The following GPR107 variants were observed in gnomAD, a reference collection of about 807,000 sequenced individuals.
The protein encoded by GPR107 is protein GPR107.
A neutral mutation model predicts 75.5 loss-of-function variants in GPR107; 31 were observed. The ratio of observed to expected loss-of-function variants is 0.41; its 90% CI spans 0.31 to 0.55. The LOEUF is 0.55. GPR107 is among the 20% of genes least tolerant of loss of function. The pLI is 0.26. For synonymous variants in GPR107, 267 were observed against 251.3 expected (o/e 1.06, Z -0.59); for missense variants, 572 against 665.7 (o/e 0.86, Z 1.55).
chr9:130,086,958 G>A (rs1830627911), intron 7 of GPR107, among the ~76,000 whole-genome samples: 1 of 152,150 alleles, frequency 6.6e-6, no homozygotes, highest in African/African-American at 2.4e-5. Context: ...CAGCATAATA[G>A]CATACGTATG....
intron 1 of GPR107, among the ~76,000 whole-genome samples, chr9:130,070,873 C>T (rs1376783453): frequency 6.6e-6 from 1 of 151,668 alleles, no homozygotes; most frequent in African/African-American, 2.4e-5. Flanking sequence ...CATGCCACCA[C>T]GCCTGGCCAA....
intron 1 of GPR107, among the ~76,000 whole-genome samples, chr9:130,073,235 G>A (rs1830253940): frequency 6.6e-6 from 1 of 152,202 alleles, no homozygotes; most frequent in African/African-American, 2.4e-5. Flanking sequence ...CTGCAGTCCT[G>A]CTCCACTGAG....
intron 6 of GPR107, among the ~76,000 whole-genome samples, chr9:130,085,681 G>GAGTTC (rs922038407): frequency 1.3e-5 from 2 of 148,736 alleles, no homozygotes; most frequent in Admixed American, 6.8e-5. Context: ...TAATTACTTT[G>GAGTTC]AGTTCATCCA....
intron 13 of GPR107, among the ~76,000 whole-genome samples, chr9:130,105,761 G>A (rs964095660): frequency 2.0e-5 from 3 of 151,884 alleles, no homozygotes; most frequent in Non-Finnish European, 4.4e-5. Context: ...CAGCATAGAA[G>A]AGAGTATGAA....
In GPR107 at chr9:130,113,104, G is replaced by A. The variant is rs573791093; in HGVS notation, c.1306+5565G>A. 1.3e-3 allele frequency among the ~76,000 whole-genome samples: 192 copies of A among 152,166 alleles called. 1 individual carries two copies. Among genetic ancestry groups the A allele is most frequent in the African/African-American group, 4.3e-3 (178 of 41,524 alleles). Reference sequence around the variant, plus strand: ...TATGGTGACACAGACATGGGTTTGTGGTGGACATTTTCTTGAAAATGAACA... The same window carrying A: ...TATGGTGACACAGACATGGGTTTGTAGTGGACATTTTCTTGAAAATGAACA... On this transcript the variant is annotated intron_variant, in intron 14 of 17. Transcript: ENST00000347136.
intron 1 of GPR107, among the ~76,000 whole-genome samples, chr9:130,074,912 T>C (rs1041694912): frequency 1.3e-5 from 2 of 151,092 alleles, no homozygotes; most frequent in African/African-American, 4.9e-5. Context: ...CCCCCCAGCA[T>C]GTTTTGAGTG....
Position 130,104,564 on chromosome 9 carries a change from A to G in GPR107, c.1262+14A>G, listed in dbSNP as rs1437213905. 1.2e-6 allele frequency: 2 copies of G among 1,610,948 alleles called. No homozygotes were observed. The highest frequency in any genetic ancestry group is 1.7e-6 in the Non-Finnish European group (2 of 1,177,284). On this transcript the variant is annotated intron_variant, in intron 13 of 17. Transcript: ENST00000347136. Reference sequence around the variant, plus strand: ...CCCAGTGGTGTGGTGAGTAGCTCACAGGGAGGGAGGCCACATGACAGCTTG... The same window carrying G: ...CCCAGTGGTGTGGTGAGTAGCTCACGGGGAGGGAGGCCACATGACAGCTTG...
At chr9:130,125,400 C>CTTT (rs386416334) in intron 15 of GPR107, among the ~76,000 whole-genome samples, 182 of 135,638 alleles carry the variant, frequency 1.3e-3, no homozygotes, top group African/African-American at 2.1e-3. Flanking sequence ...TGCTTTTTTG[C>CTTT]TTTTTTTTTT....
chr9:130,128,879 AT>A (rs1831751214), intron 17 of GPR107, 118 bp downstream of exon 17: 5 of 911,810 alleles, frequency 5.5e-6, no homozygotes, highest in Non-Finnish European at 6.8e-6. Context: ...TGGTTCCTCT[AT>A]TTTTAGCAGA....
chr9:130,097,943 A>C (rs1292604109), intron 9 of GPR107, among the ~76,000 whole-genome samples: 1 of 152,104 alleles, frequency 6.6e-6, no homozygotes, highest in Non-Finnish European at 1.5e-5. Flanking sequence ...GTGCAATGGC[A>C]CAGTCACGGC....
intron 7 of GPR107, among the ~76,000 whole-genome samples, chr9:130,089,495 G>A (rs769904557): frequency 7.9e-5 from 12 of 152,160 alleles, no homozygotes; most frequent in Admixed American, 2.0e-4. Flanking sequence ...CATTCATGGC[G>A]TGGGGATAGT....
chr9:130,114,166 C>A (rs1050072607), intron 14 of GPR107, among the ~76,000 whole-genome samples: 1 of 149,478 alleles, frequency 6.7e-6, no homozygotes, highest in African/African-American at 2.5e-5. Flanking sequence ...GTCAGGAGTT[C>A]GAGACCAGCC....
chr9:130,112,417 G>T lies in GPR107; in HGVS notation c.1306+4878G>T, dbSNP rs1663600216. Among the ~76,000 whole-genome samples, 1 of 152,214 alleles carries T rather than the reference G, an allele frequency of 6.6e-6. No individual in the cohort carries two copies. On this transcript the variant is annotated intron_variant, in intron 14 of 17. Coordinates refer to ENST00000347136, the MANE Select transcript of GPR107 (RefSeq NM_020960.5). This position sits in a 1 kb window ranked among gnomAD's most constrained non-coding sequence, Gnocchi z 4.0. Reference sequence around the variant, plus strand: ...GTTGACATTTGCCTGATGGTGAAAAGCAATGATGGGTGAAATTGCCGGCAC... The same window carrying T: ...GTTGACATTTGCCTGATGGTGAAAATCAATGATGGGTGAAATTGCCGGCAC...
At position 130,086,596 on chromosome 9, in the gene GPR107, A is replaced by G. The variant is rs1041313483; in HGVS notation, c.621+120A>G. 1.8e-5 allele frequency: 12 copies of G among 685,282 alleles called. No individual in the cohort carries two copies. The African/African-American group carries it at 2.0e-4, about 11-fold the overall frequency. 42.5% of individuals were successfully genotyped at this position (685,282 alleles called of 1,614,324 possible). On this transcript the variant is annotated intron_variant, in intron 7 of 17. Coordinates refer to ENST00000347136, the MANE Select transcript of GPR107 (RefSeq NM_020960.5). Reference sequence around the variant, plus strand: ...AACTTAGGTATGCCCTGTATCAGTCACTTAAATGCAGTAGCTCTCCTTATA... The same window carrying G: ...AACTTAGGTATGCCCTGTATCAGTCGCTTAAATGCAGTAGCTCTCCTTATA...
intron 3 of GPR107, among the ~76,000 whole-genome samples, chr9:130,076,886 G>GTTTTT (rs201956124): frequency 2.2e-5 from 3 of 136,122 alleles, no homozygotes. Flanking sequence ...GTTTACTTTT[G>GTTTTT]TTTTTTGTTT....
At chr9:130,131,613 C>T (rs958265895) in intron 17 of GPR107, among the ~76,000 whole-genome samples, 6 of 151,978 alleles carry the variant, frequency 3.9e-5, no homozygotes, top group Non-Finnish European at 7.4e-5. Flanking sequence ...CCTCCTGCTC[C>T]GCGTCACCTC....
rs59817565 is a variant in GPR107 at position 130,080,471 on chromosome 9, GTTTA to G, written c.526+734_526+737del. On this transcript the variant is annotated intron_variant, in intron 5 of 17. Transcript: ENST00000347136. ...AATGAAAGGCAAAAAAGGTATTCCT[GTTTA>G]TTTATTTATTTATTTATTTATTTAT... 4.2e-3 allele frequency among the ~76,000 whole-genome samples: 613 copies of G among 146,688 alleles called. 5 individuals are homozygous for G. Among genetic ancestry groups the G allele is most frequent in the East Asian group, 0.011 (55 of 4,988 alleles).
At chr9:130,074,552 G>T (rs1830293435) in intron 1 of GPR107, among the ~76,000 whole-genome samples, 1 of 152,136 alleles carries the variant, frequency 6.6e-6, no homozygotes, top group African/African-American at 2.4e-5. Flanking sequence ...ACTTAGTTGA[G>T]ATTGGAGTCA....
intron 12 of GPR107, 45 bp downstream of exon 12, chr9:130,101,268 T>G: frequency 2.9e-6 from 3 of 1,028,800 alleles, no homozygotes; most frequent in Non-Finnish European, 4.6e-6. Flanking sequence ...TCTTGGCGCT[T>G]AGCAGGGCTC....
Sources: allele counts gnomAD v4.1 joint callset (sites outside exome capture counted in the v4.1 genomes callset), GRCh38; gene constraint gnomAD v4.1.1; non-coding constraint Gnocchi (gnomAD v3.1); transcripts MANE v1.5; gene names NCBI Gene and HGNC (gene_info 2026-07-23, HGNC 2026-07-21).